The following GOLT1B variants were observed in gnomAD, a reference collection of about 807,000 sequenced individuals.
The protein encoded by GOLT1B is vesicle transport protein GOT1B.
Under a neutral mutation model 15.4 loss-of-function variants are expected in GOLT1B, and 3 were observed. That is an observed-to-expected ratio of 0.19 (90% CI 0.09 to 0.50). GOLT1B has a LOEUF of 0.50. GOLT1B is among the 20% of genes least tolerant of loss of function. GOLT1B has a pLI of 0.97. For synonymous variants in GOLT1B, 65 were observed against 56.2 expected (o/e 1.16, Z -0.70); for missense variants, 145 against 160.4 (o/e 0.90, Z 0.52).
rs534233350 is a variant in GOLT1B, at chr12:21,516,685, T to G, written c.*978T>G. ...TTTTGATAATGTTTACTTTAAGACA[T>G]GTAACATGTTAAAAGGTTAAACTTA... is the stretch of plus-strand genomic sequence containing the variant. On this transcript the variant is annotated 3_prime_UTR_variant, in exon 5 of 5. Transcript: ENST00000229314. 56 of 152,192 alleles carry G rather than the reference T, an allele frequency of 3.7e-4. No individual in the cohort carries two copies. Among genetic ancestry groups the G allele is most frequent in the African/African-American group, 1.3e-3 (55 of 41,556 alleles). 9.4% of individuals were successfully genotyped at this position (152,192 alleles called of 1,614,324 possible).
intron 1 of GOLT1B, among the ~76,000 whole-genome samples, chr12:21,502,881 A>G (rs535954002): frequency 6.6e-6 from 1 of 152,322 alleles, no homozygotes; most frequent in African/African-American, 2.4e-5. Flanking sequence ...CAGATTTTCA[A>G]TATTTTAAGA....
chr12:21,503,337 C>T (rs1020214682), intron 1 of GOLT1B, among the ~76,000 whole-genome samples: 2 of 152,166 alleles, frequency 1.3e-5, no homozygotes, highest in African/African-American at 2.4e-5. Flanking sequence ...AAATTGAGTG[C>T]ATGGTCAAAG....
intron 1 of GOLT1B, among the ~76,000 whole-genome samples, chr12:21,504,847 T>C (rs755107330): frequency 2.0e-5 from 3 of 152,218 alleles, no homozygotes; most frequent in Non-Finnish European, 4.4e-5. Context: ...GATAACAAGC[T>C]AATATTAAAC....
rs575622371 is a variant in GOLT1B, at chr12:21,510,496, G to A, written c.297-1799G>A. Among the ~76,000 whole-genome samples, 241 of 152,312 alleles carry A rather than the reference G, an allele frequency of 1.6e-3. 3 individuals are homozygous for A. Among genetic ancestry groups the A allele is most frequent in the African/African-American group, 5.6e-3 (231 of 41,568 alleles). On this transcript the variant is annotated intron_variant, in intron 3 of 4. Coordinates refer to ENST00000229314, the MANE Select transcript of GOLT1B (RefSeq NM_016072.5). ...AGTAATACACAGGTTTCGTGGTTTA[G>A]AGAGCTTTGTGGTATAAATACTAGT...
At chr12:21,512,855 A>AG (rs1943729549) in intron 4 of GOLT1B, among the ~76,000 whole-genome samples, 1 of 152,048 alleles carries the variant, frequency 6.6e-6, no homozygotes, top group South Asian at 2.1e-4. Flanking sequence ...GCTTGAGCCT[A>AG]GGAGTTCGAG....
rs771928080 is a variant in GOLT1B at position 21,518,321 on chromosome 12, A to G, written c.*2614A>G. On this transcript the variant is annotated 3_prime_UTR_variant, in exon 5 of 5. Transcript: ENST00000229314. ...TGTTGAAATGTACTAATGAATACAA[A>G]TAGACTTCAAGTAAGCAAAAATGTT... 3 of 152,196 alleles carry G rather than the reference A, an allele frequency of 2.0e-5. No homozygotes were observed. Among genetic ancestry groups the G allele is most frequent in the African/African-American group, 7.2e-5 (3 of 41,470 alleles). The allele number at this position is 152,196 out of a possible 1,614,324, so 9.4% of individuals were successfully genotyped here.
Position 21,517,095 on chromosome 12 carries a change from A to G in GOLT1B, c.*1388A>G, listed in dbSNP as rs1412434221. On this transcript the variant is annotated 3_prime_UTR_variant, in exon 5 of 5. Transcript: ENST00000229314. Reference sequence around the variant, plus strand: ...TTTTTAACAGTTGCAAAGCTTTTTAATGCATAAAAGTATAATTGAAATCTG... The same window carrying G: ...TTTTTAACAGTTGCAAAGCTTTTTAGTGCATAAAAGTATAATTGAAATCTG... 6.6e-6 allele frequency: 1 copy of G among 152,440 alleles called. No homozygotes were observed. Among genetic ancestry groups the G allele is most frequent in the Non-Finnish European group, 1.5e-5 (1 of 67,890 alleles). The allele number at this position is 152,440 out of a possible 1,614,324, so 9.4% of individuals were successfully genotyped here. A position where few individuals can be genotyped will look rare whatever the true frequency, so the allele number is the denominator to read the frequency against.
intron 1 of GOLT1B, chr12:21,504,645 C>G (rs1293332850): frequency 2.4e-6 from 1 of 409,328 alleles, no homozygotes. Flanking sequence ...TGATCAAGAA[C>G]AAGTTACTGA....
At chr12:21,502,290 GTT>G (rs1179695174) in intron 1 of GOLT1B, among the ~76,000 whole-genome samples, 1 of 152,220 alleles carries the variant, frequency 6.6e-6, no homozygotes, top group Non-Finnish European at 1.5e-5. Flanking sequence ...ACAAGAGAAA[GTT>G]TGCGTGGTGC....
chr12:21,508,638 T>A, intron 3 of GOLT1B, 77 bp downstream of exon 3: 1 of 753,270 alleles, frequency 1.3e-6, no homozygotes, highest in Non-Finnish European at 2.3e-6. Context: ...TTTGCATCAG[T>A]TGGAGTAAGA....
In GOLT1B at chr12:21,515,714, G is replaced by A. The variant is rs918348745; in HGVS notation, c.*7G>A. ...AAGCAACAATATGGTATAACAACAAGTGAATTTGAAGACTCATTTAAAATA... is the reference window on the plus strand; with the variant it reads ...AAGCAACAATATGGTATAACAACAAATGAATTTGAAGACTCATTTAAAATA... On this transcript the variant is annotated 3_prime_UTR_variant, in exon 5 of 5. Coordinates refer to ENST00000229314, the MANE Select transcript of GOLT1B (RefSeq NM_016072.5). 8.1e-7 allele frequency: 1 copy of A among 1,237,076 alleles called. No individual in the cohort carries two copies. The allele number at this position is 1,237,076 out of a possible 1,614,324, so 76.6% of individuals were successfully genotyped here. A position where few individuals can be genotyped will look rare whatever the true frequency, so the allele number is the denominator to read the frequency against.
chr12:21,503,494 CTT>C (rs556681658), intron 1 of GOLT1B, among the ~76,000 whole-genome samples: 75 of 152,270 alleles, frequency 4.9e-4, no homozygotes, highest in African/African-American at 1.7e-3. Flanking sequence ...TTTTTGAAGA[CTT>C]AATATAGTGA....
chr12:21,502,895 A>G (rs997452201), intron 1 of GOLT1B, among the ~76,000 whole-genome samples: 2 of 152,198 alleles, frequency 1.3e-5, no homozygotes, highest in Non-Finnish European at 2.9e-5. Flanking sequence ...TTTAAGACTT[A>G]AACAGTGAAT....
chr12:21,504,437 C>T (rs1051523033), intron 1 of GOLT1B: 2 of 428,628 alleles, frequency 4.7e-6, no homozygotes, highest in South Asian at 1.7e-5. Context: ...ATTGCCAGTA[C>T]CAGTTGTGGC....
At chr12:21,507,848 C>A in intron 2 of GOLT1B, 1 of 410,576 alleles carries the variant, frequency 2.4e-6, no homozygotes, top group Non-Finnish European at 4.8e-6. Context: ...CTGCTGCCAC[C>A]AGATATTCTA....
chr12:21,508,576 T>G lies in GOLT1B; in HGVS notation c.296+15T>G, dbSNP rs745400758. 7.6e-7 allele frequency: 1 copy of G among 1,319,628 alleles called. No individual in the cohort carries two copies. The highest frequency in any genetic ancestry group is 1.1e-6 in the Non-Finnish European group (1 of 923,252). The allele number at this position is 1,319,628 out of a possible 1,614,324, so 81.7% of individuals were successfully genotyped here. ...CTCTTGTTCAGGTAAGGCATATTAT[T>G]GTCTCTTTCAGTAAATCAGTGTGTC... is the stretch of plus-strand genomic sequence containing the variant. On this transcript the variant is annotated intron_variant, in intron 3 of 4. Transcript: ENST00000229314.
intron 1 of GOLT1B, 53 bp downstream of exon 1, chr12:21,502,001 G>T (rs1943631558): frequency 7.5e-7 from 1 of 1,331,116 alleles, no homozygotes; most frequent in Non-Finnish European, 1.1e-6. Context: ...CCATCGCCCG[G>T]CTGGGTCTCG....
chr12:21,505,759 T>C lies in GOLT1B; in HGVS notation c.26-1126T>C, dbSNP rs754695547. 7.3e-4 allele frequency among the ~76,000 whole-genome samples: 111 copies of C among 152,152 alleles called. 1 individual carries two copies. Among genetic ancestry groups the C allele is most frequent in the Non-Finnish European group, 9.3e-4 (63 of 67,984 alleles). ...AGATCAGAAATCAGTGATAGGGTATTTTAAATTGTGCTTCTAAAAATACGG... is the reference window on the plus strand; with the variant it reads ...AGATCAGAAATCAGTGATAGGGTATCTTAAATTGTGCTTCTAAAAATACGG... On this transcript the variant is annotated intron_variant, in intron 1 of 4. Transcript: ENST00000229314.
chr12:21,504,698 A>T, intron 1 of GOLT1B: 1 of 447,458 alleles, frequency 2.2e-6, no homozygotes, highest in South Asian at 1.6e-5. Context: ...CCATAGGACC[A>T]GTGCTACCTT....
Sources: allele counts gnomAD v4.1 joint callset (sites outside exome capture counted in the v4.1 genomes callset), GRCh38; gene constraint gnomAD v4.1.1; transcripts MANE v1.5; gene names NCBI Gene and HGNC (gene_info 2026-07-23, HGNC 2026-07-21).